The following LMBRD1 variants were observed in gnomAD, a reference collection of about 807,000 sequenced individuals.
LMBRD1 encodes the protein lysosomal cobalamin transport escort protein LMBD1.
In LMBRD1, 64 loss-of-function variants were observed where a neutral mutation model predicts 74.8. The ratio of observed to expected loss-of-function variants is 0.86; its 90% confidence interval spans 0.70 to 1.05. LMBRD1 has a LOEUF of 1.05. Ranked by LOEUF, LMBRD1 falls within the 50% of genes least tolerant of loss-of-function variation. LMBRD1 has a pLI of 0.00. For synonymous variants in LMBRD1, 204 were observed against 216.3 expected (o/e 0.94, Z 0.50); for missense variants, 652 against 645.9 (o/e 1.01, Z -0.10).
At chr6:69,736,433 G>A (rs982084114) in intron 7 of LMBRD1, among the ~76,000 whole-genome samples, 7 of 152,030 alleles carry the variant, frequency 4.6e-5, no homozygotes, top group Admixed American at 2.6e-4. Context: ...CTGGGACTCC[G>A]GGAACCAACA....
chr6:69,708,465 T>G (rs1766310290), intron 9 of LMBRD1, among the ~76,000 whole-genome samples: 1 of 152,174 alleles, frequency 6.6e-6, no homozygotes, highest in African/African-American at 2.4e-5. Flanking sequence ...AGTATATAAT[T>G]CCATTTTAAG....
At chr6:69,759,684 T>G (rs1285602682) in intron 3 of LMBRD1, among the ~76,000 whole-genome samples, 2 of 152,142 alleles carry the variant, frequency 1.3e-5, no homozygotes, top group African/African-American at 4.8e-5. Flanking sequence ...AAATACCTAC[T>G]GAGTATGTTT....
chr6:69,713,257 T>C (rs757337401), intron 9 of LMBRD1, among the ~76,000 whole-genome samples: 1 of 151,988 alleles, frequency 6.6e-6, no homozygotes, highest in Non-Finnish European at 1.5e-5. Flanking sequence ...TTTTACACCA[T>C]ACACAAAAAC....
intron 7 of LMBRD1, among the ~76,000 whole-genome samples, chr6:69,730,054 C>A (rs906305047): frequency 9.2e-5 from 14 of 151,698 alleles, no homozygotes; most frequent in Non-Finnish European, 1.8e-4. Flanking sequence ...AAAAAAAAAT[C>A]AGAAAACTAA....
At chr6:69,757,377 G>A (rs1022450424) in intron 3 of LMBRD1, among the ~76,000 whole-genome samples, 1 of 152,222 alleles carries the variant, frequency 6.6e-6, no homozygotes, top group Non-Finnish European at 1.5e-5. Context: ...CTGGGGAAAT[G>A]AAGTGGAGAA....
At position 69,719,009 on chromosome 6, in the gene LMBRD1, T is replaced by C; in HGVS notation, c.709A>G (p.Asn237Asp). ...TCTACTTCTTCAATGTCTTCAGTGT[T>C]TTCCAAACGTTCATAAGCAGCGCTT... The part of the protein sequence containing the change: ...TRSAAYERLE[N>D]TEDIEEVEQH... Residue 237 changes from asparagine (N) to aspartate (D), a missense_variant, in exon 8 of 16, where the codon AAC becomes GAC. By Grantham distance (23) the Asn-to-Asp change is conservative. Coordinates refer to ENST00000649934, the MANE Select transcript of LMBRD1 (RefSeq NM_018368.4). 6.2e-7 allele frequency: 1 copy of C among 1,613,378 alleles called. No homozygotes were observed. The highest frequency in any genetic ancestry group is 8.5e-7 in the Non-Finnish European group (1 of 1,179,518).
At chr6:69,703,129 G>A (rs1042818106) in intron 9 of LMBRD1, among the ~76,000 whole-genome samples, 3 of 152,000 alleles carry the variant, frequency 2.0e-5, no homozygotes, top group African/African-American at 7.2e-5. Flanking sequence ...GATTCCGCAA[G>A]AGAATTCATT....
intron 6 of LMBRD1, among the ~76,000 whole-genome samples, chr6:69,740,805 A>G (rs1365733155): frequency 2.0e-5 from 3 of 152,192 alleles, no homozygotes; most frequent in Non-Finnish European, 2.9e-5. Context: ...TAAGGTTACT[A>G]TGTTCAAATG....
At chr6:69,692,504 C>T (rs1344518888) in intron 14 of LMBRD1, among the ~76,000 whole-genome samples, 1 of 152,054 alleles carries the variant, frequency 6.6e-6, no homozygotes, top group Admixed American at 6.5e-5. Context: ...CATTTGGAAA[C>T]ATATTATCTT....
chr6:69,731,286 A>T (rs1367235308), intron 7 of LMBRD1, among the ~76,000 whole-genome samples: 1 of 152,144 alleles, frequency 6.6e-6, no homozygotes, highest in Non-Finnish European at 1.5e-5. Flanking sequence ...AATCTATTGT[A>T]TATTTCCAAA....
intron 14 of LMBRD1, among the ~76,000 whole-genome samples, chr6:69,677,794 G>A (rs892481143): frequency 1.3e-5 from 2 of 151,712 alleles, no homozygotes; most frequent in East Asian, 1.9e-4. Flanking sequence ...AACTTTAGAC[G>A]GCATTATAGA....
At chr6:69,735,172 C>CT (rs1409524734) in intron 7 of LMBRD1, among the ~76,000 whole-genome samples, 1 of 152,210 alleles carries the variant, frequency 6.6e-6, no homozygotes, top group African/African-American at 2.4e-5. Context: ...TGGCTGGAGC[C>CT]TATCCCACTA....
rs956083223 is a variant in LMBRD1 at position 69,796,950 on chromosome 6, C to G, written c.-69G>C. The G allele has an allele frequency of 3.7e-6, 5 of 1,369,490 alleles. No homozygotes were observed. Among genetic ancestry groups the G allele is most frequent in the Admixed American group, 1.8e-5 (1 of 54,702 alleles). The allele number at this position is 1,369,490 out of a possible 1,614,324, so 84.8% of individuals were successfully genotyped here. A position where few individuals can be genotyped will look rare whatever the true frequency, so the allele number is the denominator to read the frequency against. On this transcript the variant is annotated 5_prime_UTR_variant, in exon 1 of 16. Coordinates refer to ENST00000649934, the MANE Select transcript of LMBRD1 (RefSeq NM_018368.4). ...AAGGGGAGGGGGAAAGGGGAGAGAGCGCGAGATATACTGCACCCGCGCACC... is the reference window on the plus strand; with the variant it reads ...AAGGGGAGGGGGAAAGGGGAGAGAGGGCGAGATATACTGCACCCGCGCACC...
intron 6 of LMBRD1, among the ~76,000 whole-genome samples, chr6:69,741,283 T>C (rs575728957): frequency 1.6e-3 from 248 of 152,288 alleles, no homozygotes; most frequent in African/African-American, 5.7e-3. Context: ...AGCTACGTAA[T>C]AGCTAGATGG....
rs1582124917 is a variant in LMBRD1, at chr6:69,752,264, A to C, written c.400T>G (p.Cys134Gly). Residue 134 changes from cysteine (C) to glycine (G), a missense_variant, in exon 4 of 16, where the codon TGT (cysteine) becomes GGT (glycine). Physicochemically the swap from Cys to Gly is radical, Grantham distance 159. Transcript: ENST00000649934. ...EEKDDDDTSK[C>G]TQIKTALKYT... ...TCTAAAATAAAGATACTTACAGTAC[A>C]TTTACTAGTATCATCATCATCCTTT... 5.0e-6 allele frequency: 8 copies of C among 1,608,438 alleles called. No homozygotes were observed. The highest frequency in any genetic ancestry group is 2.2e-5 in the South Asian group (2 of 90,912).
At chr6:69,773,514 T>G (rs1187268794) in intron 3 of LMBRD1, among the ~76,000 whole-genome samples, 4 of 152,202 alleles carry the variant, frequency 2.6e-5, no homozygotes, top group Non-Finnish European at 1.5e-5. Flanking sequence ...AAAAACTCTC[T>G]TAGGTGCTCT....
rs1296720642 is a variant in LMBRD1 at position 69,675,057 on chromosome 6, G to A, written c.*1101C>T. Among the ~76,000 whole-genome samples, 1 of 152,128 alleles carries A rather than the reference G, an allele frequency of 6.6e-6. No homozygotes were observed. The highest frequency in any genetic ancestry group is 1.5e-5 in the Non-Finnish European group (1 of 68,022). ...ATAATGCTAAAGGGTAGTTGCAGAA[G>A]CAGAAGCCAAATACGAAAGCTGTGA... is the stretch of plus-strand genomic sequence containing the variant. On this transcript the variant is annotated 3_prime_UTR_variant, in exon 16 of 16. Transcript: ENST00000649934.
At position 69,790,603 on chromosome 6, in the gene LMBRD1, A is replaced by G. The variant is rs954194469; in HGVS notation, c.70-131T>C. On this transcript the variant is annotated intron_variant, in intron 1 of 15. Transcript: ENST00000649934. ...TATTTTAGTTGTGTAAGGAAAGCCC[A>G]CTATCCCTTAAAAACTTGTCCAAGA... is the stretch of plus-strand genomic sequence containing the variant. The G allele has an allele frequency of 4.6e-6, 4 of 869,496 alleles. No homozygotes were observed. In the African/African-American group the frequency reaches 6.7e-5, roughly 15 times the overall value. The allele number at this position is 869,496 out of a possible 1,614,324, so 53.9% of individuals were successfully genotyped here. A position where few individuals can be genotyped will look rare whatever the true frequency, so the allele number is the denominator to read the frequency against.
At chr6:69,708,573 C>A (rs1332188130) in intron 9 of LMBRD1, among the ~76,000 whole-genome samples, 7 of 151,872 alleles carry the variant, frequency 4.6e-5, no homozygotes, top group African/African-American at 1.7e-4. Flanking sequence ...GACCACAAAG[C>A]CTATGCTTCT....
Sources: gnomAD v4.1 joint callset for allele counts (sites outside exome capture counted in the v4.1 genomes callset) on GRCh38, gnomAD v4.1.1 for gene constraint, MANE v1.5 for transcripts, NCBI Gene and HGNC (gene_info 2026-07-23, HGNC 2026-07-21) for gene names.